The following EPS15 variants were observed in gnomAD, a reference collection of about 807,000 sequenced individuals.
EPS15 encodes the protein epidermal growth factor receptor pathway substrate 15.
Under a neutral mutation model 113.8 loss-of-function variants are expected in EPS15, and 72 were observed. That is an observed-to-expected ratio of 0.63 (90% CI 0.52 to 0.77). The LOEUF (loss-of-function observed/expected upper bound fraction) is 0.77, where lower values mean the gene tolerates loss of function less well. EPS15 is among the 30% of genes least tolerant of loss of function. The pLI is 0.00. For missense variants in EPS15, 1,048 were observed against 1,045.8 expected (o/e 1.00, Z -0.03); for synonymous variants, 344 against 363.4 (o/e 0.95, Z 0.61).
chr1:51,381,473 G>T (rs1169513949), intron 21 of EPS15, among the ~76,000 whole-genome samples: 1 of 151,992 alleles, frequency 6.6e-6, no homozygotes, highest in African/African-American at 2.4e-5. Context: ...GGCGCCTATA[G>T]TCCCAGCTAC....
intron 1 of EPS15, among the ~76,000 whole-genome samples, chr1:51,493,320 C>A (rs1391794849): frequency 2.7e-5 from 4 of 149,812 alleles, no homozygotes; most frequent in Non-Finnish European, 5.9e-5. Flanking sequence ...AAGATCGCGC[C>A]ACTGCACTCC....
At chr1:51,402,399 T>G (rs779127056) in intron 18 of EPS15, 36 bp downstream of exon 18, 23 of 1,115,398 alleles carry the variant, frequency 2.1e-5, no homozygotes, top group Admixed American at 1.8e-4. Context: ...GTCTTTTTTT[T>G]GGGTAAATCT....
At chr1:51,365,403 C>G (rs1048988048) in intron 22 of EPS15, among the ~76,000 whole-genome samples, 2 of 152,224 alleles carry the variant, frequency 1.3e-5, no homozygotes, top group African/African-American at 4.8e-5. Flanking sequence ...AAATGTTCCT[C>G]TGGTGGCAAA....
chr1:51,395,310 T>C (rs997963443), intron 20 of EPS15, among the ~76,000 whole-genome samples: 1 of 152,182 alleles, frequency 6.6e-6, no homozygotes, highest in African/African-American at 2.4e-5. Context: ...CTATAAACCA[T>C]AGATTTTATT....
chr1:51,459,144 A>C (rs1654242731), intron 8 of EPS15: 1 of 152,248 alleles, frequency 6.6e-6, no homozygotes, highest in Non-Finnish European at 1.5e-5. Flanking sequence ...GAAAATGAGG[A>C]AAATCTAAGG....
intron 20 of EPS15, among the ~76,000 whole-genome samples, chr1:51,396,690 A>G (rs1570192326): frequency 6.6e-6 from 1 of 152,194 alleles, no homozygotes; most frequent in Admixed American, 6.5e-5. Context: ...CCATCAGGAT[A>G]GCAGGGGGAA....
At chr1:51,393,562 T>A (rs964674766) in intron 21 of EPS15, among the ~76,000 whole-genome samples, 4 of 152,248 alleles carry the variant, frequency 2.6e-5, no homozygotes, top group African/African-American at 9.6e-5. Flanking sequence ...TAGTCACAAT[T>A]AATACATCTG....
At chr1:51,511,657 C>T (rs1423781402) in intron 1 of EPS15, among the ~76,000 whole-genome samples, 1 of 152,122 alleles carries the variant, frequency 6.6e-6, no homozygotes, top group Non-Finnish European at 1.5e-5. Context: ...CTGCAAAACA[C>T]CCTACAATGC....
At chr1:51,420,395 G>A (rs1213672637) in intron 13 of EPS15, among the ~76,000 whole-genome samples, 4 of 152,104 alleles carry the variant, frequency 2.6e-5, no homozygotes, top group Admixed American at 2.6e-4. Context: ...ACAAAATACT[G>A]TCTATCACAA....
intron 13 of EPS15, among the ~76,000 whole-genome samples, chr1:51,415,438 T>C (rs1053194811): frequency 3.3e-5 from 5 of 152,146 alleles, no homozygotes; most frequent in Admixed American, 1.3e-4. Flanking sequence ...TGGAACGATG[T>C]CCATATTAAA....
chr1:51,493,417 C>A lies in EPS15; in HGVS notation c.34-12103G>T, dbSNP rs536999267. Among the ~76,000 whole-genome samples, 331 of 149,682 alleles carry A rather than the reference C, an allele frequency of 2.2e-3. 1 individual carries two copies. The highest frequency in any genetic ancestry group is 3.1e-3 in the Admixed American group (47 of 15,024). ...GTGGGCGCCTGTAGTCCCAGCTACT[C>A]TGGAGGCTGAGGCAGGAGAATGGCA... On this transcript the variant is annotated intron_variant, in intron 1 of 24. Coordinates refer to ENST00000371733, the MANE Select transcript of EPS15 (RefSeq NM_001981.3).
chr1:51,368,848 C>T (rs1413103099), intron 21 of EPS15, among the ~76,000 whole-genome samples: 4 of 152,278 alleles, frequency 2.6e-5, no homozygotes, highest in African/African-American at 4.8e-5. Flanking sequence ...AGCAATCTGC[C>T]GGCCTAAGCC....
chr1:51,387,230 G>A (rs1349967153), intron 21 of EPS15, among the ~76,000 whole-genome samples: 2 of 151,964 alleles, frequency 1.3e-5, no homozygotes, highest in Non-Finnish European at 2.9e-5. Context: ...AGCTTCATAA[G>A]TGAAGGAGAA....
In EPS15 at chr1:51,365,947, G is replaced by GA. The variant is rs1646498233; in HGVS notation, c.2196+5dup. 1.9e-6 allele frequency: 3 copies of GA among 1,589,606 alleles called. No homozygotes were observed. In the South Asian group the frequency reaches 3.4e-5, roughly 18 times the overall value. On this transcript the variant is annotated splice_donor_region_variant and intron_variant, in intron 22 of 24. Transcript: ENST00000371733. Reference sequence around the variant, plus strand: ...TTTTCCCTTCCCATTAATTACTGTAGATTACCTTTGACAATGTGCTGAAGT... The same window carrying GA: ...TTTTCCCTTCCCATTAATTACTGTAGAATTACCTTTGACAATGTGCTGAAGT...
chr1:51,430,526 T>A (rs2148461452), intron 12 of EPS15, among the ~76,000 whole-genome samples: 1 of 148,360 alleles, frequency 6.7e-6, no homozygotes, highest in South Asian at 2.1e-4. Context: ...CAAGATCGTG[T>A]CACTGCACTC....
At chr1:51,470,215 G>A (rs1655137577) in intron 4 of EPS15, among the ~76,000 whole-genome samples, 1 of 152,118 alleles carries the variant, frequency 6.6e-6, no homozygotes, top group Non-Finnish European at 1.5e-5. Flanking sequence ...CCATAATAGG[G>A]GGGCTAATAC....
At chr1:51,500,711 G>A (rs77711464) in intron 1 of EPS15, among the ~76,000 whole-genome samples, 8,056 of 152,172 alleles carry the variant, frequency 0.053, 688 homozygotes, top group African/African-American at 0.18. Flanking sequence ...TAGGTCGGGT[G>A]CAGTGGCTCA....
chr1:51,488,883 A>G (rs112254667), intron 1 of EPS15, among the ~76,000 whole-genome samples: 3 of 152,334 alleles, frequency 2.0e-5, no homozygotes, highest in African/African-American at 4.8e-5. Flanking sequence ...ATGTGCATCT[A>G]AAGAGAAAGG....
intron 18 of EPS15, 153 bp from the exon 19 acceptor site, chr1:51,401,106 T>C (rs892858094): frequency 5.7e-6 from 3 of 525,420 alleles, no homozygotes; most frequent in Non-Finnish European, 1.0e-5. Flanking sequence ...ATTGACCTTA[T>C]GAAATATACA....
Sources: allele counts gnomAD v4.1 joint callset (sites outside exome capture counted in the v4.1 genomes callset), GRCh38; gene constraint gnomAD v4.1.1; transcripts MANE v1.5; gene names NCBI Gene and HGNC (gene_info 2026-07-23, HGNC 2026-07-21).